FAM133A: variants seen among roughly 807,000 people sequenced by gnomAD.
The protein encoded by FAM133A is family with sequence similarity 133 member A.
For synonymous variants in FAM133A, 65 were observed against 58.6 expected (o/e 1.11, Z -0.50); for missense variants, 159 against 164.4 (o/e 0.97, Z 0.18).
intron 2 of FAM133A, among the ~76,000 whole-genome samples, chrX:93,681,568 A>G (rs908468874): frequency 1.8e-5 from 2 of 111,718 alleles, no homozygotes; most frequent in African/African-American, 6.5e-5. Context: ...GATAGCTAAC[A>G]CTTCACAATT....
At chrX:93,693,827 A>G (rs1408652552) in intron 2 of FAM133A, among the ~76,000 whole-genome samples, 1 of 112,117 alleles carries the variant, frequency 8.9e-6, no homozygotes, top group Admixed American at 9.5e-5. Flanking sequence ...TTGAAGTAAC[A>G]ACAAGGTTAG....
chrX:93,694,783 A>G (rs866662437), intron 2 of FAM133A, among the ~76,000 whole-genome samples: 14 of 110,763 alleles, frequency 1.3e-4, no homozygotes, highest in Middle Eastern at 4.7e-3. Context: ...AAAAAAATCT[A>G]CTGACTCTCT....
chrX:93,682,752 A>T (rs1364922537), intron 2 of FAM133A, among the ~76,000 whole-genome samples: 1 of 110,613 alleles, frequency 9.0e-6, no homozygotes, highest in African/African-American at 3.3e-5. Context: ...AATAGCTGGG[A>T]TTACAGGCGT....
chrX:93,702,837 T>TAAAAAAAAAA (rs33985910), intron 3 of FAM133A, among the ~76,000 whole-genome samples: 7 of 43,041 alleles, frequency 1.6e-4, no homozygotes, highest in Non-Finnish European at 2.8e-4. Flanking sequence ...ATAGCTATGA[T>TAAAAAAAAAA]AAAAAAAAAA....
chrX:93,700,717 A>G lies in FAM133A; in HGVS notation c.-104+2232A>G, dbSNP rs183306482. Among the ~76,000 whole-genome samples the G allele has an allele frequency of 3.1e-3, 342 of 111,841 alleles. 2 individuals carry two copies. The highest frequency in any genetic ancestry group is 0.028 in the Middle Eastern group (6 of 213). On this transcript the variant is annotated intron_variant, in intron 3 of 3. Coordinates refer to ENST00000683942, the MANE Select transcript of FAM133A (RefSeq NM_001171109.2). ...GGATTTTAAGGAAATGTACATATAC[A>G]TAGACATTTCTAATGTGAGAAAATC...
At chrX:93,699,646 T>C (rs930587077) in intron 3 of FAM133A, among the ~76,000 whole-genome samples, 23 of 111,300 alleles carry the variant, frequency 2.1e-4, no homozygotes, top group Non-Finnish European at 3.8e-5. Flanking sequence ...AACACCTATA[T>C]ACCCGCAATC....
At chrX:93,705,531 C>T (rs764210464) in intron 3 of FAM133A, among the ~76,000 whole-genome samples, 1 of 111,720 alleles carries the variant, frequency 9.0e-6, no homozygotes, top group Admixed American at 9.5e-5. Flanking sequence ...TCTGTTGTTA[C>T]TCCAAATTTT....
At chrX:93,677,115 G>A (rs1181941764) in intron 2 of FAM133A, among the ~76,000 whole-genome samples, 1 of 110,657 alleles carries the variant, frequency 9.0e-6, no homozygotes, top group Non-Finnish European at 1.9e-5. Context: ...TAAATTATTT[G>A]CATAGTGATA....
Position 93,710,255 on chromosome X carries a change from C to T in FAM133A, c.*89C>T. On this transcript the variant is annotated 3_prime_UTR_variant, in exon 4 of 4. Transcript: ENST00000683942. ...ACTTTGAGTTGCCTATCAAATCCCA[C>T]TGTGCCAGTAAGGGGCATAGTGGCT... The T allele has an allele frequency of 9.7e-7, 1 of 1,033,900 alleles. No homozygotes were observed. Among genetic ancestry groups the T allele is most frequent in the South Asian group, 2.8e-5 (1 of 35,134 alleles). The allele number at this position is 1,033,900 out of a possible 1,213,427, so 85.2% of individuals were successfully genotyped here. A position where few individuals can be genotyped will look rare whatever the true frequency, so the allele number is the denominator to read the frequency against.
chrX:93,709,350 A>G lies in FAM133A; in HGVS notation c.-70A>G, dbSNP rs1927253974. Reference sequence around the variant, plus strand: ...TTGCTTGATATTTCACTAGATAAAGAATTTAAGGCGAGTATCTATCTTTGT... The same window carrying G: ...TTGCTTGATATTTCACTAGATAAAGGATTTAAGGCGAGTATCTATCTTTGT... On this transcript the variant is annotated 5_prime_UTR_variant, in exon 4 of 4. Transcript: ENST00000683942. The G allele has an allele frequency of 9.4e-7, 1 of 1,066,360 alleles. No individual in the cohort carries two copies. Among genetic ancestry groups the G allele is most frequent in the African/African-American group, 1.9e-5 (1 of 51,667 alleles). 87.9% of individuals were successfully genotyped at this position (1,066,360 alleles called of 1,213,427 possible).
At chrX:93,688,941 A>G (rs1008503986) in intron 2 of FAM133A, among the ~76,000 whole-genome samples, 17 of 111,241 alleles carry the variant, frequency 1.5e-4, no homozygotes, top group African/African-American at 5.6e-4. Flanking sequence ...TATATGTGGT[A>G]CAAGCAGATT....
intron 2 of FAM133A, among the ~76,000 whole-genome samples, chrX:93,683,734 G>A (rs1366386780): frequency 9.0e-6 from 1 of 110,892 alleles, no homozygotes; most frequent in Non-Finnish European, 1.9e-5. Context: ...ATATCTCTTC[G>A]TGGTTTTGAT....
chrX:93,709,473 A>G lies in FAM133A; in HGVS notation c.54A>G (p.Arg18=). The G allele has an allele frequency of 8.3e-7, 1 of 1,201,578 alleles. No individual in the cohort carries two copies. The highest frequency in any genetic ancestry group is 1.1e-6 in the Non-Finnish European group (1 of 892,595). ...VAYMNPIAMA[R]WRGPTQSVGP... is the part of the protein sequence containing the mutation. ...ATATGAATCCTATAGCAATGGCCAG[A>G]TGGAGAGGCCCAACTCAATCTGTGG... The change falls in exon 4 of 4, where the codon AGA becomes AGG. Residue 18 remains arginine (R), a synonymous_variant. Transcript: ENST00000683942.
At chrX:93,700,393 T>C (rs1208523395) in intron 3 of FAM133A, among the ~76,000 whole-genome samples, 3 of 111,455 alleles carry the variant, frequency 2.7e-5, no homozygotes, top group Non-Finnish European at 5.7e-5. Context: ...TCAATAAAAA[T>C]TTGTTGAGTG....
At chrX:93,681,368 C>T (rs1024403242) in intron 2 of FAM133A, among the ~76,000 whole-genome samples, 10 of 110,014 alleles carry the variant, frequency 9.1e-5, no homozygotes, top group Admixed American at 2.0e-4. Context: ...TGGAGGAAGC[C>T]CAAAGTGACA....
intron 2 of FAM133A, among the ~76,000 whole-genome samples, chrX:93,675,427 C>T (rs1347114607): frequency 1.8e-5 from 2 of 111,406 alleles, no homozygotes; most frequent in African/African-American, 6.5e-5. Flanking sequence ...AGTGCATATT[C>T]CATGGAAATA....
Position 93,709,732 on chromosome X carries a change from T to C in FAM133A, c.313T>C (p.Ser105Pro). ...KKRKKKSCRS[S>P]SSSSSSDSSS... ...GAGAAAGAAGAAATCTTGTCGGTCT[T>C]CATCTTCTTCATCAAGCTCTGATTC... Residue 105 changes from serine to proline, a missense_variant, in exon 4 of 4, where the codon TCA becomes CCA. Coordinates refer to ENST00000683942, the MANE Select transcript of FAM133A (RefSeq NM_001171109.2). The C allele has an allele frequency of 5.9e-6, 7 of 1,195,568 alleles. No homozygotes were observed. Among genetic ancestry groups the C allele is most frequent in the Non-Finnish European group, 7.9e-6 (7 of 887,758 alleles).
intron 3 of FAM133A, among the ~76,000 whole-genome samples, chrX:93,705,992 C>A (rs1602849621): frequency 8.9e-6 from 1 of 111,875 alleles, no homozygotes; most frequent in Non-Finnish European, 1.9e-5. Context: ...TACATTCTCA[C>A]CTTCAATTCA....
At position 93,711,595 on chromosome X, in the gene FAM133A, T is replaced by C. The variant is rs1218135852; in HGVS notation, c.*1429T>C. The C allele has an allele frequency of 2.4e-5, 3 of 123,270 alleles. No individual in the cohort carries two copies. Among genetic ancestry groups the C allele is most frequent in the Non-Finnish European group, 5.6e-5 (3 of 53,240 alleles). 10.2% of individuals were successfully genotyped at this position (123,270 alleles called of 1,213,427 possible). Reference sequence around the variant, plus strand: ...ATAGGTACAAAGTATTTTGGCATGATGAAAAGCTCAATAGCTATTGTTTTT... The same window carrying C: ...ATAGGTACAAAGTATTTTGGCATGACGAAAAGCTCAATAGCTATTGTTTTT... On this transcript the variant is annotated 3_prime_UTR_variant, in exon 4 of 4. Coordinates refer to ENST00000683942, the MANE Select transcript of FAM133A (RefSeq NM_001171109.2).
Sources: gnomAD v4.1 joint callset for allele counts (sites outside exome capture counted in the v4.1 genomes callset) on GRCh38, gnomAD v4.1.1 for gene constraint, MANE v1.5 for transcripts, NCBI Gene and HGNC (gene_info 2026-07-23, HGNC 2026-07-21) for gene names.